TCERG1L: variants seen among roughly 807,000 people sequenced by gnomAD.
TCERG1L encodes the protein transcription elongation regulator 1-like protein.
In TCERG1L, 37 loss-of-function variants were observed where a neutral mutation model predicts 56.3. The ratio of observed to expected loss-of-function variants is 0.66; its 90% CI spans 0.51 to 0.87. TCERG1L has a LOEUF of 0.87. Ranked by LOEUF, TCERG1L falls within the 40% of genes least tolerant of loss-of-function variation. The pLI is 0.00. For missense variants in TCERG1L, 799 were observed against 774.2 expected, an observed-to-expected ratio of 1.03 and a Z score of -0.38; for synonymous variants, 324 against 326.3, an observed-to-expected ratio of 0.99 and a Z score of 0.08.
At chr10:131,120,706 T>C (rs941995383) in intron 8 of TCERG1L, among the ~76,000 whole-genome samples, 4 of 152,236 alleles carry the variant, frequency 2.6e-5, no homozygotes, top group Admixed American at 2.0e-4. Context: ...CAAACCTCTA[T>C]GTGGGCAAAT....
intron 4 of TCERG1L, among the ~76,000 whole-genome samples, chr10:131,208,561 T>C (rs1342192503): frequency 6.6e-6 from 1 of 152,200 alleles, no homozygotes; most frequent in Non-Finnish European, 1.5e-5. Flanking sequence ...TCAGAGGTCA[T>C]GTGCTAATGC....
intron 9 of TCERG1L, among the ~76,000 whole-genome samples, chr10:131,105,892 C>T (rs1010856326): frequency 5.3e-5 from 8 of 152,200 alleles, no homozygotes; most frequent in Non-Finnish European, 7.3e-5. Flanking sequence ...GGTGGGTTCC[C>T]GGCTCCTGTG....
chr10:131,144,751 A>T (rs576239364), intron 7 of TCERG1L, among the ~76,000 whole-genome samples: 1 of 152,332 alleles, frequency 6.6e-6, no homozygotes, highest in Admixed American at 6.5e-5. Context: ...ATCATGCTAA[A>T]TCTAAACTAA....
intron 8 of TCERG1L, among the ~76,000 whole-genome samples, chr10:131,123,823 C>T (rs1040785236): frequency 1.3e-5 from 2 of 152,152 alleles, no homozygotes; most frequent in Non-Finnish European, 2.9e-5. Flanking sequence ...CCATTAGGAC[C>T]CCACGGAGCC....
intron 10 of TCERG1L, among the ~76,000 whole-genome samples, chr10:131,098,759 C>T (rs1402961549): frequency 2.0e-5 from 3 of 152,176 alleles, no homozygotes; most frequent in African/African-American, 4.8e-5. Context: ...GTTTGGAACC[C>T]GTGCTGTAGG....
chr10:131,235,638 T>G (rs1425931877), intron 4 of TCERG1L, among the ~76,000 whole-genome samples: 1 of 152,112 alleles, frequency 6.6e-6, no homozygotes, highest in Non-Finnish European at 1.5e-5. Flanking sequence ...CAGAAAACAT[T>G]CTCATAAAAA....
chr10:131,149,314 A>AGG (rs139531173), intron 6 of TCERG1L, among the ~76,000 whole-genome samples: 1 of 152,082 alleles, frequency 6.6e-6, no homozygotes, highest in Non-Finnish European at 1.5e-5. Flanking sequence ...AGCAGACTCC[A>AGG]CACCCAGGTA....
intron 4 of TCERG1L, among the ~76,000 whole-genome samples, chr10:131,172,052 C>T (rs1302391048): frequency 6.6e-6 from 1 of 152,220 alleles, no homozygotes; most frequent in African/African-American, 2.4e-5. Context: ...ATATTGACCT[C>T]CTTTGACCTC....
At chr10:131,264,077 A>AG (rs5789080) in intron 3 of TCERG1L, among the ~76,000 whole-genome samples, 145,880 of 145,880 alleles carry the variant, frequency 1, 72,940 homozygotes, top group Non-Finnish European at 1. Flanking sequence ...AAAGCCCCTC[A>AG]GCCACTGATA....
chr10:131,146,805 G>A (rs1334059179), intron 6 of TCERG1L, 145 bp from the exon 7 acceptor site: 16 of 877,176 alleles, frequency 1.8e-5, no homozygotes, highest in African/African-American at 1.5e-4. Context: ...GAATACTAAA[G>A]ACAAAGCCTG....
chr10:131,309,010 TA>T, intron 2 of TCERG1L, 142 bp downstream of exon 2: 2 of 955,454 alleles, frequency 2.1e-6, no homozygotes, highest in Non-Finnish European at 3.0e-6. Context: ...CAAATCAATC[TA>T]ATCCTGAAAT....
chr10:131,176,965 G>GATACGTGTATACAC (rs1401506554), intron 4 of TCERG1L, among the ~76,000 whole-genome samples: 1 of 35,806 alleles, frequency 2.8e-5, no homozygotes. Flanking sequence ...TGTACACACA[G>GATACGTGTATACAC]AGACACATGA....
chr10:131,131,127 C>A (rs1845614199), intron 8 of TCERG1L, among the ~76,000 whole-genome samples: 1 of 152,150 alleles, frequency 6.6e-6, no homozygotes, highest in Admixed American at 6.5e-5. Context: ...CAAAACACTG[C>A]AGCAATTCCA....
At chr10:131,105,893 G>A (rs558882450) in intron 9 of TCERG1L, among the ~76,000 whole-genome samples, 2 of 152,280 alleles carry the variant, frequency 1.3e-5, no homozygotes, top group East Asian at 1.9e-4. Flanking sequence ...GTGGGTTCCC[G>A]GCTCCTGTGT....
At chr10:131,139,687 T>G (rs1438254581) in intron 7 of TCERG1L, among the ~76,000 whole-genome samples, 1 of 110,772 alleles carries the variant, frequency 9.0e-6, no homozygotes, top group Non-Finnish European at 2.1e-5. Context: ...TGTGTGTGTG[T>G]GTCTGTGTGT....
intron 3 of TCERG1L, among the ~76,000 whole-genome samples, chr10:131,272,373 T>A (rs776318869): frequency 6.6e-6 from 1 of 152,234 alleles, no homozygotes; most frequent in African/African-American, 2.4e-5. Flanking sequence ...GTTGTTCTGG[T>A]TGTTTTCTGA....
chr10:131,192,960 T>C (rs1182115217), intron 4 of TCERG1L, among the ~76,000 whole-genome samples: 2 of 152,100 alleles, frequency 1.3e-5, no homozygotes, highest in East Asian at 3.8e-4. Flanking sequence ...TTCACCAAGA[T>C]ATAATTCATC....
intron 4 of TCERG1L, among the ~76,000 whole-genome samples, chr10:131,192,091 A>G (rs1845310873): frequency 7.0e-6 from 1 of 143,098 alleles, no homozygotes; most frequent in South Asian, 2.2e-4. Flanking sequence ...GTAAACTGAC[A>G]ACCCACAGAA....
chr10:131,218,387 C>T (rs1750528570), intron 4 of TCERG1L, among the ~76,000 whole-genome samples: 1 of 152,232 alleles, frequency 6.6e-6, no homozygotes, highest in African/African-American at 2.4e-5. Context: ...GCCTGCAGTC[C>T]TTTCTGGCTT....
Sources: gnomAD v4.1 joint callset for allele counts (sites outside exome capture counted in the v4.1 genomes callset) on GRCh38, gnomAD v4.1.1 for gene constraint, MANE v1.5 for transcripts, NCBI Gene and HGNC (gene_info 2026-07-23, HGNC 2026-07-21) for gene names.